The following ANKH variants were observed in gnomAD, a reference collection of about 807,000 sequenced individuals.
ANKH encodes mineralization regulator ANKH.
Under a neutral mutation model 49.0 loss-of-function variants are expected in ANKH, and 15 were observed. That is an observed-to-expected ratio of 0.31 (90% CI 0.20 to 0.47). The LOEUF is 0.47. Ranked by LOEUF, ANKH falls within the 20% of genes least tolerant of loss-of-function variation. ANKH has a pLI of 1.00. For missense variants in ANKH, 429 were observed against 652.0 expected (o/e 0.66, Z 3.72); for synonymous variants, 273 against 260.0 (o/e 1.05, Z -0.48).
intron 1 of ANKH, among the ~76,000 whole-genome samples, chr5:14,820,490 G>A (rs762113201): frequency 6.6e-6 from 1 of 152,172 alleles, no homozygotes; most frequent in Non-Finnish European, 1.5e-5. Flanking sequence ...CAGAGTGAGA[G>A]GACTGCTGGA....
chr5:14,806,241 T>G (rs968662786), intron 1 of ANKH, among the ~76,000 whole-genome samples: 1 of 151,934 alleles, frequency 6.6e-6, no homozygotes, highest in Admixed American at 6.6e-5. Flanking sequence ...ATGCAGCAGC[T>G]CTTGCCCCTC....
At chr5:14,781,552 G>A (rs886956533) in intron 1 of ANKH, among the ~76,000 whole-genome samples, 1 of 152,102 alleles carries the variant, frequency 6.6e-6, no homozygotes, top group Non-Finnish European at 1.5e-5. Context: ...AAAACAAAAA[G>A]CATTTTCCTG....
At chr5:14,726,840 G>C (rs1023543173) in intron 8 of ANKH, among the ~76,000 whole-genome samples, 6 of 152,238 alleles carry the variant, frequency 3.9e-5, no homozygotes, top group African/African-American at 1.4e-4. Context: ...GGTGCTTAAG[G>C]TGTGCATACC....
chr5:14,727,900 C>A (rs1336278457), intron 8 of ANKH, among the ~76,000 whole-genome samples: 1 of 152,134 alleles, frequency 6.6e-6, no homozygotes, highest in African/African-American at 2.4e-5. Context: ...ACATTTGGAA[C>A]CTGCTTATAA....
rs1223782468 is a variant in ANKH at position 14,712,839 on chromosome 5, C to T, written c.1365+35G>A. 5 of 1,564,618 alleles carry T rather than the reference C, an allele frequency of 3.2e-6. No homozygotes were observed. In the African/African-American group the frequency reaches 4.1e-5, roughly 13 times the overall value. On this transcript the variant is annotated intron_variant, in intron 11 of 11. Transcript: ENST00000284268. Reference sequence around the variant, plus strand: ...AGGTTCTCCTGCACCCAGGAGGATGCACCCGGGAGGAGGCTCCCGGCGCGG... The same window carrying T: ...AGGTTCTCCTGCACCCAGGAGGATGTACCCGGGAGGAGGCTCCCGGCGCGG...
Position 14,749,442 on chromosome 5 carries a change from T to C in ANKH, c.688-136A>G, listed in dbSNP as rs697569. 233,592 of 983,104 alleles carry C rather than the reference T, an allele frequency of 0.24. 29,432 individuals carry two copies. The highest frequency in any genetic ancestry group is 0.29 in the African/African-American group (17,657 of 61,824). The allele number at this position is 983,104 out of a possible 1,614,324, so 60.9% of individuals were successfully genotyped here. A position where few individuals can be genotyped will look rare whatever the true frequency, so the allele number is the denominator to read the frequency against. On this transcript the variant is annotated intron_variant, in intron 5 of 11. Coordinates refer to ENST00000284268, the MANE Select transcript of ANKH (RefSeq NM_054027.6). Reference sequence around the variant, plus strand: ...TACTTGAAAGTAATATAAGGAAAAGTGTCTGTAGACAAGCCAAGTTGAATT... The same window carrying C: ...TACTTGAAAGTAATATAAGGAAAAGCGTCTGTAGACAAGCCAAGTTGAATT...
chr5:14,747,748 G>A (rs1222050618), intron 6 of ANKH, among the ~76,000 whole-genome samples: 1 of 152,186 alleles, frequency 6.6e-6, no homozygotes, highest in Non-Finnish European at 1.5e-5. Context: ...CCAGGAACAT[G>A]AGGCAAATCC....
intron 8 of ANKH, among the ~76,000 whole-genome samples, chr5:14,728,519 T>G (rs1737891196): frequency 6.6e-6 from 1 of 152,184 alleles, no homozygotes; most frequent in Non-Finnish European, 1.5e-5. Flanking sequence ...GGTGGCAGTC[T>G]CCACCTCACG....
chr5:14,803,883 A>G (rs1252566435), intron 1 of ANKH, among the ~76,000 whole-genome samples: 1 of 151,958 alleles, frequency 6.6e-6, no homozygotes, highest in African/African-American at 2.4e-5. Context: ...AGCAAATTCT[A>G]TTAGTTCTCT....
At chr5:14,777,125 T>C (rs1050599933) in intron 1 of ANKH, among the ~76,000 whole-genome samples, 3 of 139,844 alleles carry the variant, frequency 2.1e-5, no homozygotes, top group Admixed American at 7.6e-5. Context: ...CTACCAAAAA[T>C]ATAAAAAAAG....
intron 1 of ANKH, among the ~76,000 whole-genome samples, chr5:14,830,786 A>G (rs1445215623): frequency 6.6e-6 from 1 of 152,070 alleles, no homozygotes; most frequent in Non-Finnish European, 1.5e-5. Context: ...CTGGTGAAAC[A>G]CTAAATCTGA....
At chr5:14,755,701 A>G (rs1738862818) in intron 4 of ANKH, among the ~76,000 whole-genome samples, 160 bp downstream of exon 4, 1 of 152,228 alleles carries the variant, frequency 6.6e-6, no homozygotes, top group Non-Finnish European at 1.5e-5. Flanking sequence ...TCATTCATTT[A>G]GCAAATATTT....
intron 2 of ANKH, among the ~76,000 whole-genome samples, 188 bp from the exon 3 acceptor site, chr5:14,758,786 T>A (rs1162452293): frequency 6.6e-6 from 1 of 152,248 alleles, no homozygotes; most frequent in Non-Finnish European, 1.5e-5. Context: ...AGCCAATGAA[T>A]GCTCTGGGTT....
intron 8 of ANKH, among the ~76,000 whole-genome samples, chr5:14,735,692 C>G (rs1383290201): frequency 6.6e-6 from 1 of 152,166 alleles, no homozygotes; most frequent in Non-Finnish European, 1.5e-5. Context: ...CAGCAAAACT[C>G]CAGCCTACAT....
At chr5:14,771,921 GAAAAAAAAAAAA>G (rs869185652) in intron 1 of ANKH, among the ~76,000 whole-genome samples, 1 of 53,384 alleles carries the variant, frequency 1.9e-5, no homozygotes, top group African/African-American at 6.9e-5. Context: ...CTCAAAAAAA[GAAAAAAAAAAAA>G]AAAAAAAAAA....
intron 9 of ANKH, among the ~76,000 whole-genome samples, chr5:14,715,654 T>G (rs982494435): frequency 2.0e-5 from 3 of 152,240 alleles, no homozygotes; most frequent in Admixed American, 1.3e-4. Context: ...CTTGGTGAGT[T>G]ACTTATACAA....
intron 1 of ANKH, among the ~76,000 whole-genome samples, chr5:14,769,641 GT>G (rs1739372186): frequency 6.6e-6 from 1 of 151,960 alleles, no homozygotes; most frequent in Non-Finnish European, 1.5e-5. Context: ...GTGTGTGTGT[GT>G]GTTCATGTGT....
chr5:14,829,184 CAAAAAAAAAA>C lies in ANKH; in HGVS notation c.96+42158_96+42167del, dbSNP rs56223225. 1.7e-3 allele frequency among the ~76,000 whole-genome samples: 179 copies of C among 106,048 alleles called. 1 individual carries two copies. The highest frequency in any genetic ancestry group is 0.012 in the South Asian group (40 of 3,318). The allele number at this position is 106,048 out of a possible 152,430, so 69.6% of individuals were successfully genotyped here. A position where few individuals can be genotyped will look rare whatever the true frequency, so the allele number is the denominator to read the frequency against. On this transcript the variant is annotated intron_variant, in intron 1 of 11. Transcript: ENST00000284268. ...TGGGCGACAGAGAGAGACTCTGTCT[CAAAAAAAAAA>C]AAAAAAAAAAAAAAAGCAATTTCAA...
intron 7 of ANKH, among the ~76,000 whole-genome samples, chr5:14,742,654 T>A (rs568944687): frequency 1.6e-4 from 25 of 152,340 alleles, no homozygotes; most frequent in Middle Eastern, 3.4e-3. Flanking sequence ...TGTCCTGTCA[T>A]GCGTCCAACC....
Sources: gnomAD v4.1 joint callset for allele counts (sites outside exome capture counted in the v4.1 genomes callset) on GRCh38, gnomAD v4.1.1 for gene constraint, MANE v1.5 for transcripts, NCBI Gene and HGNC (gene_info 2026-07-23, HGNC 2026-07-21) for gene names.